Variants in RFX4 observed in about 807,000 individuals in gnomAD.
RFX4 encodes the protein transcription factor RFX4.
Under a neutral mutation model 95.0 loss-of-function variants are expected in RFX4, and 10 were observed. The observed-to-expected ratio is 0.11, with a 90% CI of 0.06 to 0.18. RFX4 has a LOEUF of 0.18. RFX4 is among the 10% of genes least tolerant of loss of function. The probability of loss-of-function intolerance (pLI) is 1.00; values close to 1 mark genes in which losing one functional copy is unlikely to be tolerated. For synonymous variants in RFX4, 321 were observed against 340.7 expected, an observed-to-expected ratio of 0.94 and a Z score of 0.64; for missense variants, 640 against 922.0, an observed-to-expected ratio of 0.69 and a Z score of 3.96.
At position 106,689,398 on chromosome 12, in the gene RFX4, G is replaced by C. The variant is rs1348285454; in HGVS notation, c.669+34G>C. On this transcript the variant is annotated intron_variant, in intron 7 of 17. Coordinates refer to ENST00000392842, the MANE Select transcript of RFX4 (RefSeq NM_213594.3). ...ACAAGGGTTGAGCTGTGAATACTCG[G>C]TATTAAAAATCTTGTAACACTAGCT... 3 of 1,538,756 alleles carry C rather than the reference G, an allele frequency of 1.9e-6. No individual in the cohort carries two copies. The East Asian group carries it at 6.8e-5, about 35-fold the overall frequency.
chr12:106,625,851 C>T (rs2040286525), intron 2 of RFX4, among the ~76,000 whole-genome samples: 1 of 152,174 alleles, frequency 6.6e-6, no homozygotes, highest in African/African-American at 2.4e-5. Flanking sequence ...CCCCATTTTA[C>T]AGATGAAGAA....
At chr12:106,684,240 C>T (rs1340983501) in intron 5 of RFX4, among the ~76,000 whole-genome samples, 1 of 152,016 alleles carries the variant, frequency 6.6e-6, no homozygotes, top group African/African-American at 2.4e-5. Flanking sequence ...GGTGGCACGT[C>T]CCTTTAGTCC....
At position 106,601,446 on chromosome 12, in the gene RFX4, C is replaced by G. The variant is rs575607514; in HGVS notation, c.44-7351C>G. The G allele has an allele frequency of 3.2e-6, 4 of 1,257,236 alleles. No homozygotes were observed. The South Asian group carries it at 5.6e-5, about 18-fold the overall frequency. 77.9% of individuals were successfully genotyped at this position (1,257,236 alleles called of 1,614,324 possible). On this transcript the variant is annotated intron_variant, in intron 1 of 17. Coordinates refer to ENST00000392842, the MANE Select transcript of RFX4 (RefSeq NM_213594.3). The stretch of plus-strand genomic sequence containing the variant: ...CTTGGTAGCTGTGAGTGTGGCATGT[C>G]AACTCTTTTATGTAGCGTTTCTGGA...
intron 3 of RFX4, among the ~76,000 whole-genome samples, chr12:106,644,077 C>T (rs1052204382): frequency 6.6e-6 from 1 of 152,106 alleles, no homozygotes; most frequent in African/African-American, 2.4e-5. Context: ...AATATTGACC[C>T]GCAACCTGTT....
intron 2 of RFX4, among the ~76,000 whole-genome samples, chr12:106,610,073 G>A (rs2039927174): frequency 6.6e-6 from 1 of 151,832 alleles, no homozygotes; most frequent in South Asian, 2.1e-4. Flanking sequence ...ATCCTTTTAA[G>A]TGTTGATGAA....
chr12:106,583,181 C>A lies in RFX4; in HGVS notation c.-140C>A. ...CTTTTCTTTTCCTTTCCTCCTTTAT[C>A]CTTGTGCCCCCTCACTTTCTGCGTC... On this transcript the variant is annotated 5_prime_UTR_variant, in exon 1 of 18. Coordinates refer to ENST00000392842, the MANE Select transcript of RFX4 (RefSeq NM_213594.3). 1 of 689,470 alleles carries A rather than the reference C, an allele frequency of 1.5e-6. No homozygotes were observed. The highest frequency in any genetic ancestry group is 3.0e-5 in the East Asian group (1 of 32,838). The allele number at this position is 689,470 out of a possible 1,614,324, so 42.7% of individuals were successfully genotyped here. A position where few individuals can be genotyped will look rare whatever the true frequency, so the allele number is the denominator to read the frequency against.
intron 8 of RFX4, among the ~76,000 whole-genome samples, chr12:106,702,551 T>G (rs978582254): frequency 6.6e-6 from 1 of 152,190 alleles, no homozygotes; most frequent in Non-Finnish European, 1.5e-5. Flanking sequence ...TTAGCCTGAT[T>G]GGAGCTGGAA....
At chr12:106,645,965 A>G (rs1318172287) in intron 3 of RFX4, 4 of 1,288,460 alleles carry the variant, frequency 3.1e-6, no homozygotes, top group Admixed American at 2.3e-5. Flanking sequence ...CCCAATGCCA[A>G]GGGCAGAAAT....
intron 6 of RFX4, 87 bp from the exon 7 acceptor site, chr12:106,689,200 A>C: frequency 8.9e-7 from 1 of 1,121,418 alleles, no homozygotes; most frequent in South Asian, 1.2e-5. Context: ...CACAGGGAAG[A>C]AATGACTTAA....
chr12:106,673,448 G>C (rs2041328039), intron 4 of RFX4, among the ~76,000 whole-genome samples: 1 of 152,232 alleles, frequency 6.6e-6, no homozygotes, highest in Non-Finnish European at 1.5e-5. Flanking sequence ...CCTGCTACGA[G>C]CCTGTGAGAT....
chr12:106,687,776 T>C (rs973879934), intron 6 of RFX4, among the ~76,000 whole-genome samples: 1 of 152,166 alleles, frequency 6.6e-6, no homozygotes, highest in Non-Finnish European at 1.5e-5. Context: ...CATGTATGCC[T>C]ATCTGTCTAT....
At chr12:106,613,467 A>C (rs1430340332) in intron 2 of RFX4, among the ~76,000 whole-genome samples, 2 of 151,026 alleles carry the variant, frequency 1.3e-5, no homozygotes, top group Non-Finnish European at 2.9e-5. Flanking sequence ...GGTTCAAGCG[A>C]TTCTCCTGCC....
chr12:106,741,146 G>A (rs950277963), intron 15 of RFX4, among the ~76,000 whole-genome samples: 6 of 152,084 alleles, frequency 3.9e-5, no homozygotes, highest in East Asian at 1.9e-4. Context: ...AAACAGATGA[G>A]GTTTCTAGCT....
At chr12:106,620,998 T>C (rs2040174189) in intron 2 of RFX4, among the ~76,000 whole-genome samples, 1 of 152,144 alleles carries the variant, frequency 6.6e-6, no homozygotes, top group Non-Finnish European at 1.5e-5. Flanking sequence ...TCAGACCTTA[T>C]GGTTGTCTTC....
At position 106,733,124 on chromosome 12, in the gene RFX4, T is replaced by C. The variant is rs371580639; in HGVS notation, c.1633+39T>C. The C allele has an allele frequency of 4.4e-6, 7 of 1,607,126 alleles. No homozygotes were observed. The African/African-American group carries it at 9.4e-5, about 21-fold the overall frequency. On this transcript the variant is annotated intron_variant, in intron 15 of 17. Coordinates refer to ENST00000392842, the MANE Select transcript of RFX4 (RefSeq NM_213594.3). ...CTTCAAAAACTTTGGGTAGTTAATG[T>C]TTGAAGAAAGGGCTTTCTGCCAGCC...
chr12:106,603,585 G>T (rs980281269), intron 1 of RFX4, among the ~76,000 whole-genome samples: 1 of 152,228 alleles, frequency 6.6e-6, no homozygotes, highest in Admixed American at 6.5e-5. Flanking sequence ...GGCAAATCCC[G>T]TTGGGCACTT....
chr12:106,608,031 A>G (rs1218769098), intron 1 of RFX4, among the ~76,000 whole-genome samples: 3 of 152,086 alleles, frequency 2.0e-5, no homozygotes, highest in African/African-American at 7.2e-5. Flanking sequence ...CGTCTCTACT[A>G]AAAATACAAA....
At chr12:106,664,578 ATCT>A (rs1289442661) in intron 4 of RFX4, among the ~76,000 whole-genome samples, 1 of 151,580 alleles carries the variant, frequency 6.6e-6, no homozygotes, top group Non-Finnish European at 1.5e-5. Flanking sequence ...TTCTTATTGT[ATCT>A]TCTTCTTACT....
intron 1 of RFX4, among the ~76,000 whole-genome samples, chr12:106,602,873 A>G (rs547102038): frequency 6.6e-6 from 1 of 152,306 alleles, no homozygotes; most frequent in Admixed American, 6.5e-5. Context: ...TCTTGGGGAC[A>G]AGGTACTGAA....
Sources: gnomAD v4.1 joint callset for allele counts (sites outside exome capture counted in the v4.1 genomes callset) on GRCh38, gnomAD v4.1.1 for gene constraint, MANE v1.5 for transcripts, NCBI Gene and HGNC (gene_info 2026-07-23, HGNC 2026-07-21) for gene names.